Variants in CERS6 observed in about 807,000 individuals in gnomAD.
CERS6 encodes LAG1 homolog, ceramide synthase 6.
Under a neutral mutation model 56.8 loss-of-function variants are expected in CERS6, and 26 were observed. That is an observed-to-expected ratio of 0.46 (90% confidence interval 0.34 to 0.63). The LOEUF (loss-of-function observed/expected upper bound fraction) is 0.63. CERS6 is among the 30% of genes least tolerant of loss of function. The pLI is 0.01. For missense variants in CERS6, 415 were observed against 467.5 expected (o/e 0.89, Z 1.04); for synonymous variants, 164 against 173.3 (o/e 0.95, Z 0.42).
intron 4 of CERS6, among the ~76,000 whole-genome samples, chr2:168,648,864 G>C (rs1209836612): frequency 6.6e-6 from 1 of 152,098 alleles, no homozygotes; most frequent in Non-Finnish European, 1.5e-5. Flanking sequence ...TGTTTGGTAT[G>C]ATTTTGGTTC....
chr2:168,704,699 C>T lies in CERS6; in HGVS notation c.609+9648C>T, dbSNP rs370436907. Among the ~76,000 whole-genome samples, 33 of 152,238 alleles carry T rather than the reference C, an allele frequency of 2.2e-4. No homozygotes were observed. In the South Asian group the frequency reaches 3.5e-3, roughly 16 times the overall value. ...TTGGTTCACTGCAACCTCCACCTCCCGGGTTCAAGCGATTCTCCTGCCTCA... is the reference window on the plus strand; with the variant it reads ...TTGGTTCACTGCAACCTCCACCTCCTGGGTTCAAGCGATTCTCCTGCCTCA... On this transcript the variant is annotated intron_variant, in intron 6 of 9. Coordinates refer to ENST00000305747, the MANE Select transcript of CERS6 (RefSeq NM_203463.3).
rs1693675785 is a variant in CERS6 at position 168,456,892 on chromosome 2, TC to T, written c.170+277del. Among the ~76,000 whole-genome samples, 1 of 152,130 alleles carries T rather than the reference TC, an allele frequency of 6.6e-6. No individual in the cohort carries two copies. The highest frequency in any genetic ancestry group is 1.5e-5 in the Non-Finnish European group (1 of 68,008). Reference sequence around the variant, plus strand: ...GCCCTCCTCCTGGGCCCTGCTCTCCTCCCGGCAAGGGCAGGCGAACAAAGGT... The same window carrying T: ...GCCCTCCTCCTGGGCCCTGCTCTCCTCCGGCAAGGGCAGGCGAACAAAGGT... On this transcript the variant is annotated intron_variant, in intron 1 of 9. Transcript: ENST00000305747. This position sits in a 1 kb window ranked among gnomAD's most constrained non-coding sequence, Gnocchi z 4.1.
intron 3 of CERS6, among the ~76,000 whole-genome samples, chr2:168,592,049 A>C (rs1397696979): frequency 6.6e-6 from 1 of 152,208 alleles, no homozygotes; most frequent in East Asian, 1.9e-4. Context: ...AGAATTGCAT[A>C]TAAGACAATT....
intron 3 of CERS6, among the ~76,000 whole-genome samples, chr2:168,602,063 A>G (rs1053345067): frequency 3.3e-5 from 5 of 152,246 alleles, no homozygotes; most frequent in Non-Finnish European, 7.3e-5. Flanking sequence ...TAATTTAGAC[A>G]GGGTTCTGAG....
At chr2:168,646,661 A>G (rs897002359) in intron 4 of CERS6, among the ~76,000 whole-genome samples, 17 of 151,956 alleles carry the variant, frequency 1.1e-4, no homozygotes, top group Admixed American at 4.6e-4. Context: ...CAGGGTTTTT[A>G]TAGTTTTGTG....
intron 6 of CERS6, 129 bp downstream of exon 6, chr2:168,695,180 G>T (rs1033147493): frequency 6.1e-6 from 4 of 652,140 alleles, no homozygotes; most frequent in African/African-American, 1.9e-5. Flanking sequence ...GACTTGCTGC[G>T]TTATTACAGA....
rs1229279089 is a variant in CERS6, at chr2:168,773,914, G to T, written c.*4252G>T. 1.3e-5 allele frequency: 2 copies of T among 152,226 alleles called. No homozygotes were observed. 9.4% of individuals were successfully genotyped at this position (152,226 alleles called of 1,614,324 possible). A position where few individuals can be genotyped will look rare whatever the true frequency, so the allele number is the denominator to read the frequency against. ...GTAGCTGCTGAGAAGGCCTGTCCAC[G>T]AGGCTGTTGGAACCCCTCCAATAAA... On this transcript the variant is annotated 3_prime_UTR_variant, in exon 10 of 10. Transcript: ENST00000305747.
chr2:168,509,802 T>C (rs1574032221), intron 1 of CERS6, among the ~76,000 whole-genome samples: 1 of 152,198 alleles, frequency 6.6e-6, no homozygotes, highest in Non-Finnish European at 1.5e-5. Flanking sequence ...GGCTCACGCC[T>C]GTAATCCCAG....
chr2:168,465,752 G>A (rs1693859009), intron 1 of CERS6, among the ~76,000 whole-genome samples: 3 of 152,140 alleles, frequency 2.0e-5, no homozygotes, highest in Admixed American at 2.0e-4. Context: ...TTTCAGTTTT[G>A]CAAGATGGAA....
chr2:168,462,277 T>C (rs2105317587), intron 1 of CERS6, among the ~76,000 whole-genome samples: 1 of 152,320 alleles, frequency 6.6e-6, no homozygotes, highest in Admixed American at 6.5e-5. Flanking sequence ...GTATGTCTAG[T>C]TGTGTCACTT....
intron 3 of CERS6, among the ~76,000 whole-genome samples, chr2:168,621,407 C>G (rs1684468754): frequency 6.6e-6 from 1 of 152,158 alleles, no homozygotes; most frequent in Non-Finnish European, 1.5e-5. Context: ...CTGATTCCCA[C>G]AAATTTTGGT....
intron 1 of CERS6, among the ~76,000 whole-genome samples, chr2:168,509,309 A>G (rs762008389): frequency 2.0e-5 from 3 of 152,320 alleles, no homozygotes; most frequent in Non-Finnish European, 2.9e-5. Flanking sequence ...TTTTCTTTTT[A>G]TTGTAAAATT....
At chr2:168,484,668 C>A (rs1382567115) in intron 1 of CERS6, among the ~76,000 whole-genome samples, 1 of 152,162 alleles carries the variant, frequency 6.6e-6, no homozygotes, top group Non-Finnish European at 1.5e-5. Context: ...AATTTATGCT[C>A]ACTTGTGTTT....
intron 3 of CERS6, among the ~76,000 whole-genome samples, chr2:168,586,338 C>T (rs1313382606): frequency 6.6e-6 from 1 of 151,930 alleles, no homozygotes; most frequent in African/African-American, 2.4e-5. Flanking sequence ...TTCCTTTGCC[C>T]ATTATAAAAC....
chr2:168,731,939 T>C (rs772810913), intron 8 of CERS6, among the ~76,000 whole-genome samples: 1 of 152,202 alleles, frequency 6.6e-6, no homozygotes, highest in Non-Finnish European at 1.5e-5. Flanking sequence ...AGTCAGCATG[T>C]CATGAAAAAT....
intron 5 of CERS6, among the ~76,000 whole-genome samples, 167 bp downstream of exon 5, chr2:168,691,251 T>A (rs1007473374): frequency 3.3e-5 from 5 of 152,182 alleles, no homozygotes; most frequent in Non-Finnish European, 7.3e-5. Flanking sequence ...AATTTGTGCA[T>A]TATTCTTAGT....
At chr2:168,589,168 C>T (rs1414764521) in intron 3 of CERS6, among the ~76,000 whole-genome samples, 1 of 152,172 alleles carries the variant, frequency 6.6e-6, no homozygotes, top group Non-Finnish European at 1.5e-5. Context: ...CAACAGTAAA[C>T]AAGGGTTCCA....
At chr2:168,534,386 T>C (rs1695221070) in intron 1 of CERS6, among the ~76,000 whole-genome samples, 1 of 148,582 alleles carries the variant, frequency 6.7e-6, no homozygotes, top group South Asian at 2.3e-4. Flanking sequence ...CTGCTAACCC[T>C]TGGATGCGGT....
At chr2:168,652,651 C>T (rs1296675616) in intron 4 of CERS6, among the ~76,000 whole-genome samples, 1 of 149,116 alleles carries the variant, frequency 6.7e-6, no homozygotes. Context: ...GTATTTAAAG[C>T]TTAATCGGAT....
Sources: gnomAD v4.1 joint callset for allele counts (sites outside exome capture counted in the v4.1 genomes callset) on GRCh38, gnomAD v4.1.1 for gene constraint, Gnocchi (gnomAD v3.1) non-coding constraint, MANE v1.5 for transcripts, NCBI Gene and HGNC (gene_info 2026-07-23, HGNC 2026-07-21) for gene names.